Variants in NAP1L2 observed in about 807,000 individuals in gnomAD.
The protein encoded by NAP1L2 is nucleosome assembly protein 1 like 2.
For synonymous variants in NAP1L2, 165 were observed against 126.0 expected (o/e 1.31, Z -2.07); for missense variants, 376 against 338.5 (o/e 1.11, Z -0.87).
Position 73,212,721 on chromosome X carries a change from A to C in NAP1L2, c.*389T>G, listed in dbSNP as rs769480338. 2 of 125,067 alleles carry C rather than the reference A, an allele frequency of 1.6e-5. No individual in the cohort carries two copies. Among genetic ancestry groups the C allele is most frequent in the African/African-American group, 6.3e-5 (2 of 31,597 alleles). The allele number at this position is 125,067 out of a possible 1,213,427, so 10.3% of individuals were successfully genotyped here. On this transcript the variant is annotated 3_prime_UTR_variant, in exon 1 of 1. Coordinates refer to ENST00000373517, the MANE Select transcript of NAP1L2 (RefSeq NM_021963.4). ...ATTAAATCCACTAGCTAAAGGACTAAGTAAACAAAAATAGAAAAAGAAAAA... is the reference window on the plus strand; with the variant it reads ...ATTAAATCCACTAGCTAAAGGACTACGTAAACAAAAATAGAAAAAGAAAAA...
In NAP1L2 at chrX:73,213,004, CAT is replaced by C; in HGVS notation, c.*104_*105del. ...TTGAACTTTTCTTATATTTTTGAAA[CAT>C]ATGTTTTAACTAACACTACAAGAAA... On this transcript the variant is annotated 3_prime_UTR_variant, in exon 1 of 1. Transcript: ENST00000373517. 3.9e-6 allele frequency: 3 copies of C among 765,469 alleles called. No homozygotes were observed. Among genetic ancestry groups the C allele is most frequent in the Non-Finnish European group, 5.5e-6 (3 of 550,204 alleles). 63.1% of individuals were successfully genotyped at this position (765,469 alleles called of 1,213,427 possible).
rs2056138201 is a variant in NAP1L2, at chrX:73,213,101, T to C, written c.*9A>G. 3 of 1,188,331 alleles carry C rather than the reference T, an allele frequency of 2.5e-6. No homozygotes were observed. The highest frequency in any genetic ancestry group is 1.9e-5 in the South Asian group (1 of 52,351). On this transcript the variant is annotated 3_prime_UTR_variant, in exon 1 of 1. Transcript: ENST00000373517. ...GGGCAGTTAATTTCAGGGCCATGTA[T>C]ACTCTGCTCTAACGATCAATGTCTT...
rs1334753096 is a variant in NAP1L2 at position 73,214,327 on chromosome X, C to T, written c.166G>A (p.Gly56Arg). 1.7e-6 allele frequency: 2 copies of T among 1,211,238 alleles called. No homozygotes were observed. The highest frequency in any genetic ancestry group is 4.4e-5 in the Admixed American group (2 of 45,941). The change falls in exon 1 of 1, where the codon GGG becomes AGG. Residue 56 changes from glycine to arginine, a missense_variant. By Grantham distance (125) the Gly-to-Arg change is moderately radical. Transcript: ENST00000373517. ...KCGEEAAAGL[G>R]EEGENGEDTA... ...TCTTCACCGTTTTCCCCTTCTTCCC[C>T]AAGCCCAGCGGCAGCTTCTTCACCG...
chrX:73,214,267 C>CT lies in NAP1L2; in HGVS notation c.225dup (p.Gly76ArgfsTer5), dbSNP rs1301788087. On this transcript the variant is annotated frameshift_variant, in exon 1 of 1. Coordinates refer to ENST00000373517, the MANE Select transcript of NAP1L2 (RefSeq NM_021963.4). LOFTEE classifies it low-confidence loss of function (END_TRUNC). ...TCTGAGTCCTCATCAGTATCGCCAC[C>CT]TTTTTTCCCATCTTCCCCGGACCCA... 4.1e-6 allele frequency: 5 copies of CT among 1,208,813 alleles called. No individual in the cohort carries two copies. The highest frequency in any genetic ancestry group is 3.5e-5 in the African/African-American group (2 of 56,777).
At position 73,214,286 on chromosome X, in the gene NAP1L2, G is replaced by A. The variant is rs757648465; in HGVS notation, c.207C>T (p.Ser69=). The change falls in exon 1 of 1, where the codon TCC becomes TCT. Residue 69 remains serine, a synonymous_variant. Coordinates refer to ENST00000373517, the MANE Select transcript of NAP1L2 (RefSeq NM_021963.4). ...CGCCACCTTTTTTCCCATCTTCCCCGGACCCAGCAGCAGTATCTTCACCGT... is the reference window on the plus strand; with the variant it reads ...CGCCACCTTTTTTCCCATCTTCCCCAGACCCAGCAGCAGTATCTTCACCGT... ...GENGEDTAAG[S]GEDGKKGGDT... 3.8e-5 allele frequency: 46 copies of A among 1,208,137 alleles called. No homozygotes were observed. The South Asian group carries it at 6.7e-4, about 18-fold the overall frequency.
chrX:73,213,652 C>T lies in NAP1L2; in HGVS notation c.841G>A (p.Glu281Lys), dbSNP rs1394206855. ...DIKVKLSDPG[E>K]PLSFTLEFHF... ...AATTCTAGTGTGAAACTGAGGGGCT[C>T]GCCAGGATCTGAAAGCTTAACTTTA... The change falls in exon 1 of 1, where the codon GAG becomes AAG. Residue 281 changes from glutamate (E) to lysine (K), a missense_variant. Physicochemically the swap from Glu to Lys is moderately conservative, Grantham distance 56. Coordinates refer to ENST00000373517, the MANE Select transcript of NAP1L2 (RefSeq NM_021963.4). The T allele has an allele frequency of 4.1e-6, 5 of 1,210,864 alleles. No homozygotes were observed. The highest frequency in any genetic ancestry group is 1.8e-5 in the South Asian group (1 of 56,836).
In NAP1L2 at chrX:73,214,576, T is replaced by A; in HGVS notation, c.-84A>T. The A allele has an allele frequency of 9.7e-7, 1 of 1,036,144 alleles. No homozygotes were observed. The highest frequency in any genetic ancestry group is 1.3e-6 in the Non-Finnish European group (1 of 766,363). The allele number at this position is 1,036,144 out of a possible 1,213,427, so 85.4% of individuals were successfully genotyped here. On this transcript the variant is annotated 5_prime_UTR_variant, in exon 1 of 1. Transcript: ENST00000373517. ...CCACAGGAAAAGACTCACCGAAATA[T>A]CAGAAGCGGCGGTGGTCGGACCTAG...
Position 73,214,134 on chromosome X carries a change from G to T in NAP1L2, c.359C>A (p.Thr120Asn). 8.3e-7 allele frequency: 1 copy of T among 1,211,550 alleles called. No homozygotes were observed. Among genetic ancestry groups the T allele is most frequent in the Non-Finnish European group, 1.1e-6 (1 of 895,516 alleles). Residue 120 changes from threonine (T) to asparagine (N), a missense_variant, in exon 1 of 1, where the codon ACT (threonine) becomes AAT (asparagine). By Grantham distance (65) the Thr-to-Asn change is moderately conservative (BLOSUM62 0). Transcript: ENST00000373517. ...YRVLALKKLQ[T>N]RAANLESKFL... The stretch of plus-strand genomic sequence containing the variant: ...TTTGGATTCTAAATTGGCCGCTCTA[G>T]TTTGAAGCTTTTTAAGGGCTAACAC...
Position 73,214,645 on chromosome X carries a change from GGATAAAA to G in NAP1L2, c.-160_-154del. On this transcript the variant is annotated 5_prime_UTR_variant, in exon 1 of 1. Transcript: ENST00000373517. ...GGGAACGACGATCCAGGCTGCTCGG[GGATAAAA>G]GATGGTGCTGAGGCTTTGAGAACCG... is the stretch of plus-strand genomic sequence containing the variant. 1 of 596,735 alleles carries G rather than the reference GGATAAAA, an allele frequency of 1.7e-6. No individual in the cohort carries two copies. The highest frequency in any genetic ancestry group is 2.6e-6 in the Non-Finnish European group (1 of 384,227). 49.2% of individuals were successfully genotyped at this position (596,735 alleles called of 1,213,427 possible). A position where few individuals can be genotyped will look rare whatever the true frequency, so the allele number is the denominator to read the frequency against.
chrX:73,213,244 G>A lies in NAP1L2; in HGVS notation c.1249C>T (p.Gln417Ter). The A allele has an allele frequency of 8.3e-7, 1 of 1,211,194 alleles. No individual in the cohort carries two copies. Among genetic ancestry groups the A allele is most frequent in the South Asian group, 1.8e-5 (1 of 56,991 alleles). ...TTAACTTCTCTAACTACCCCCTCCT[G>A]CTGAGATTCCAGTGCATCACCTGAG... Reference protein sequence around the residue: ...FFSGDALESQQEGVVREVNDA... With the variant: ...FFSGDALESQ Residue 417 changes from glutamine (Q) to a stop codon, truncating the protein, a stop_gained, in exon 1 of 1, where the codon CAG (glutamine) becomes TAG (stop). Transcript: ENST00000373517. LOFTEE classifies it low-confidence loss of function (END_TRUNC).
chrX:73,214,528 A>G lies in NAP1L2; in HGVS notation c.-36T>C. 1 of 1,169,236 alleles carries G rather than the reference A, an allele frequency of 8.6e-7. No individual in the cohort carries two copies. Among genetic ancestry groups the G allele is most frequent in the Non-Finnish European group, 1.1e-6 (1 of 870,142 alleles). On this transcript the variant is annotated 5_prime_UTR_variant, in exon 1 of 1. Transcript: ENST00000373517. ...ACCGTACACGCCTAAGGTGGCTACC[A>G]CAGAGATCGGGAGACCAAACCTCCA...
chrX:73,213,352 A>T lies in NAP1L2; in HGVS notation c.1141T>A (p.Ser381Thr), dbSNP rs1474553943. ...TCATCATTTCCATCCCTTCCATTTG[A>T]GGTGATTCCATGAGGAGAGAAAAAA... The part of the protein sequence containing the change: ...FNFFSPHGIT[S>T]NGRDGNDDFL... The change falls in exon 1 of 1, where the codon TCA (serine) becomes ACA (threonine). Residue 381 changes from serine (S) to threonine (T), a missense_variant. Transcript: ENST00000373517. The T allele has an allele frequency of 8.3e-7, 1 of 1,211,657 alleles. No homozygotes were observed. Among genetic ancestry groups the T allele is most frequent in the East Asian group, 3.0e-5 (1 of 33,860 alleles).
chrX:73,212,346 T>G lies in NAP1L2; in HGVS notation c.*764A>C, dbSNP rs996697401. On this transcript the variant is annotated 3_prime_UTR_variant, in exon 1 of 1. Transcript: ENST00000373517. ...AATTTTTATTCTTTTTATTTTGCAG[T>G]GAAAGAACACGAAATATCTTTTCAA... The G allele has an allele frequency of 8.9e-6, 1 of 111,813 alleles. No homozygotes were observed. Among genetic ancestry groups the G allele is most frequent in the Non-Finnish European group, 1.9e-5 (1 of 53,137 alleles). The allele number at this position is 111,813 out of a possible 1,213,427, so 9.2% of individuals were successfully genotyped here.
In NAP1L2 at chrX:73,213,742, C is replaced by A. The variant is rs1252310736; in HGVS notation, c.751G>T (p.Val251Phe). The change falls in exon 1 of 1, where the codon GTT becomes TTT. Residue 251 changes from valine (V) to phenylalanine (F), a missense_variant. Val to Phe is a conservative substitution (Grantham distance 50). Transcript: ENST00000373517. ...TTAATCAAAGGAGTGAGTGTATCAA[C>A]GTTTTTTAAAACAGTTAGCCAAAAA... The part of the protein sequence containing the change: ...PDFWLTVLKN[V>F]DTLTPLIKKY... The A allele has an allele frequency of 3.3e-6, 4 of 1,209,487 alleles. No individual in the cohort carries two copies. The East Asian group carries it at 1.2e-4, about 36-fold the overall frequency.
Position 73,213,508 on chromosome X carries a change from T to C in NAP1L2, c.985A>G (p.Thr329Ala). 8.3e-7 allele frequency: 1 copy of C among 1,211,735 alleles called. No homozygotes were observed. The change falls in exon 1 of 1, where the codon ACA becomes GCA. Residue 329 changes from threonine to alanine, a missense_variant. By Grantham distance (58) the Thr-to-Ala change is moderately conservative. Transcript: ENST00000373517. ...TCATTCCAATCTATCTCACAGCCTGTGGAATACTCAATCGCAGTTCCCCTA... is the reference window on the plus strand; with the variant it reads ...TCATTCCAATCTATCTCACAGCCTGCGGAATACTCAATCGCAGTTCCCCTA... ...PYRGTAIEYS[T>A]GCEIDWNEGK...
chrX:73,214,811 G>A lies in NAP1L2; in HGVS notation c.-319C>T. 4.6e-6 allele frequency: 1 copy of A among 215,642 alleles called. No homozygotes were observed. The highest frequency in any genetic ancestry group is 9.0e-6 in the Non-Finnish European group (1 of 111,378). The allele number at this position is 215,642 out of a possible 1,213,427, so 17.8% of individuals were successfully genotyped here. ...CCTCCGCAAGCAGCTACTGCTGCAAGAAAAAAACGGTGCCGCAGTATGATT... is the reference window on the plus strand; with the variant it reads ...CCTCCGCAAGCAGCTACTGCTGCAAAAAAAAAACGGTGCCGCAGTATGATT... On this transcript the variant is annotated 5_prime_UTR_variant, in exon 1 of 1. Transcript: ENST00000373517.
In NAP1L2 at chrX:73,214,727, C is replaced by A. The variant is rs184295066; in HGVS notation, c.-235G>T. 1.9e-5 allele frequency: 7 copies of A among 375,815 alleles called. No individual in the cohort carries two copies. The highest frequency in any genetic ancestry group is 7.7e-4 in the Middle Eastern group (1 of 1,304). 31.0% of individuals were successfully genotyped at this position (375,815 alleles called of 1,213,427 possible). ...TGGGTGCAGAGGGCGGCGACGGCTG[C>A]GTTGACCGATCCTGCAGGAGAGAGC... On this transcript the variant is annotated 5_prime_UTR_variant, in exon 1 of 1. Transcript: ENST00000373517.
rs1279317711 is a variant in NAP1L2, at chrX:73,214,322, T to C, written c.171A>G (p.Glu57=). Residue 57 remains glutamate (E), a synonymous_variant, in exon 1 of 1, where the codon GAA becomes GAG. Coordinates refer to ENST00000373517, the MANE Select transcript of NAP1L2 (RefSeq NM_021963.4). ...CGEEAAAGLG[E]EGENGEDTAA... ...CAGTATCTTCACCGTTTTCCCCTTCTTCCCCAAGCCCAGCGGCAGCTTCTT... is the reference window on the plus strand; with the variant it reads ...CAGTATCTTCACCGTTTTCCCCTTCCTCCCCAAGCCCAGCGGCAGCTTCTT... The C allele has an allele frequency of 1.7e-6, 2 of 1,211,295 alleles. No homozygotes were observed. The highest frequency in any genetic ancestry group is 3.0e-5 in the East Asian group (1 of 33,812).
At position 73,213,278 on chromosome X, in the gene NAP1L2, T is replaced by C. The variant is rs1432890737; in HGVS notation, c.1215A>G (p.Val405=). The C allele has an allele frequency of 9.1e-6, 11 of 1,210,270 alleles. No individual in the cohort carries two copies. The African/African-American group carries it at 1.4e-4, about 15-fold the overall frequency. The change falls in exon 1 of 1, where the codon GTA becomes GTG. Residue 405 remains valine, a synonymous_variant. Transcript: ENST00000373517. ...CCAGTGCATCACCTGAGAAAAATAATACTGATCTTGGAATTATGTAAGTAC... is the reference window on the plus strand; with the variant it reads ...CCAGTGCATCACCTGAGAAAAATAACACTGATCTTGGAATTATGTAAGTAC... ...NLRTYIIPRS[V]LFFSGDALES...
Sources: allele counts gnomAD v4.1 joint callset, GRCh38; gene constraint gnomAD v4.1.1; transcripts MANE v1.5; gene names NCBI Gene and HGNC (gene_info 2026-07-23, HGNC 2026-07-21).